Variants in MASP1 observed in about 807,000 individuals in gnomAD.
MASP1 encodes MBL associated serine protease 1, also known as mannan-binding lectin serine protease 1.
In MASP1, 59 loss-of-function variants were observed where a neutral mutation model predicts 77.1. That is an observed-to-expected ratio of 0.77 (90% CI 0.62 to 0.95). MASP1 has a LOEUF of 0.95. MASP1 is among the 40% of genes least tolerant of loss of function. MASP1 has a pLI of 0.00. For synonymous variants in MASP1, 362 were observed against 354.5 expected, an observed-to-expected ratio of 1.02 and a Z score of -0.24; for missense variants, 885 against 912.9, an observed-to-expected ratio of 0.97 and a Z score of 0.39.
At chr3:187,229,313 G>A (rs906006674), downstream of MASP1, among the ~76,000 whole-genome samples, 1 of 152,154 alleles carries the variant, frequency 6.6e-6, no homozygotes, top group Non-Finnish European at 1.5e-5. Flanking sequence ...TGCAATGGAT[G>A]TCTCACTGAT....
In MASP1 at chr3:187,220,313, GT is replaced by G. The variant is rs757653631; in HGVS notation, c.1910-53del. On this transcript the variant is annotated intron_variant, in intron 15 of 15. Coordinates refer to the MASP1 transcript ENST00000337774. ...GATAAAATGCCCCTTCCCAGCCCAAGTCTCCTTCTCCCATGTATGGGTTGTA... is the reference window on the plus strand; with the variant it reads ...GATAAAATGCCCCTTCCCAGCCCAAGCTCCTTCTCCCATGTATGGGTTGTA... 3.8e-5 allele frequency: 59 copies of G among 1,536,394 alleles called. 1 individual carries two copies. In the South Asian group the frequency reaches 6.7e-4, roughly 17 times the overall value.
At position 187,253,250 on chromosome 3, in the gene MASP1, G is replaced by A; in HGVS notation, c.810C>T (p.Thr270=). The A allele has an allele frequency of 6.2e-7, 1 of 1,614,110 alleles. No homozygotes were observed. The highest frequency in any genetic ancestry group is 8.5e-7 in the Non-Finnish European group (1 of 1,180,006). The change falls in exon 6 of 11, where the codon ACC becomes ACT. Residue 270 remains threonine (T), a synonymous_variant. Transcript: ENST00000296280. ...ACAGGATCAGGACACTGTGGCTCTG[G>A]GTGCTGATGGGTTCTGGGGCTTTCT... ...CGEKAPEPIS[T]QSHSVLILFH...
In MASP1 at chr3:187,241,500, G is replaced by T; in HGVS notation, c.1284C>A (p.Ser428Arg). 1 of 1,613,712 alleles carries T rather than the reference G, an allele frequency of 6.2e-7. No homozygotes were observed. Among genetic ancestry groups the T allele is most frequent in the Non-Finnish European group, 8.5e-7 (1 of 1,179,684 alleles). The stretch of plus-strand genomic sequence containing the variant: ...AGGTACCTGGAAGGCAGGTGGGTAG[G>T]CTTCTCCCCAATACTTTATTCATCC... ...GVWMNKVLGR[S>R]LPTCLPECGQ... Residue 428 changes from serine to arginine, a missense_variant, in exon 10 of 11, where the codon AGC becomes AGA. Ser to Arg is a moderately radical substitution (Grantham distance 110). Coordinates refer to ENST00000296280, the MANE Select transcript of MASP1 (RefSeq NM_139125.4).
intron 4 of MASP1, among the ~76,000 whole-genome samples, chr3:187,259,615 C>T (rs1182839379): frequency 4.6e-5 from 7 of 152,070 alleles, no homozygotes; most frequent in Non-Finnish European, 1.0e-4. Flanking sequence ...CTGTACTGAA[C>T]ACATAGTAGA....
exon 16 of MASP1, chr3:187,219,611 G>A: frequency 4.4e-6 from 1 of 225,296 alleles, no homozygotes. Flanking sequence ...TCAATGCTAA[G>A]ACCCAGGCAG....
In MASP1 at chr3:187,285,924, C is replaced by T. The variant is rs775139855; in HGVS notation, c.138G>A (p.Val46=). The T allele has an allele frequency of 2.5e-6, 4 of 1,614,114 alleles. No individual in the cohort carries two copies. The highest frequency in any genetic ancestry group is 1.6e-4 in the Middle Eastern group (1 of 6,062). The change falls in exon 2 of 11, where the codon GTG becomes GTA. Residue 46 remains valine, a synonymous_variant. Transcript: ENST00000296280. ...YPDSYPSDSE[V]TWNITVPDGF... is the part of the protein sequence containing the mutation. Reference sequence around the variant, plus strand: ...CATCTGGGACAGTGATATTCCAAGTCACCTCTGAATCACTGGGATAGGAGT... The same window carrying T: ...CATCTGGGACAGTGATATTCCAAGTTACCTCTGAATCACTGGGATAGGAGT...
In MASP1 at chr3:187,259,428, A is replaced by G. The variant is rs371856470; in HGVS notation, c.547+1313T>C. ...TGGTGGGGAAGGTCTTGCTTTTTAA[A>G]TGCACAATACACAGATGGACATACA... On this transcript the variant is annotated intron_variant, in intron 4 of 10. Coordinates refer to ENST00000296280, the MANE Select transcript of MASP1 (RefSeq NM_139125.4). 1.4e-3 allele frequency among the ~76,000 whole-genome samples: 212 copies of G among 152,306 alleles called. 8 individuals are homozygous for G. The South Asian group carries it at 0.043, about 31-fold the overall frequency.
chr3:187,247,102 A>G (rs540591046), intron 8 of MASP1: 1 of 1,409,430 alleles, frequency 7.1e-7, no homozygotes, highest in African/African-American at 1.5e-5. Context: ...TTTTTTTTTC[A>G]TTATTTTCTG....
At chr3:187,263,145 G>A in intron 2 of MASP1, 1 of 243,054 alleles carries the variant, frequency 4.1e-6, no homozygotes, top group Non-Finnish European at 8.1e-6. Flanking sequence ...GCCGAGCAAA[G>A]CATGAGATGG....
chr3:187,229,931 G>C (rs1278421980), downstream of MASP1: 1 of 1,613,032 alleles, frequency 6.2e-7, no homozygotes, highest in South Asian at 1.1e-5. Flanking sequence ...AGACAGATCA[G>C]ACTCTGGGCT....
intron 2 of MASP1, among the ~76,000 whole-genome samples, chr3:187,267,485 A>C (rs780460511): frequency 7.9e-5 from 12 of 152,232 alleles, no homozygotes; most frequent in Non-Finnish European, 1.5e-4. Flanking sequence ...GAATTTGTGC[A>C]AGTTTGAAAG....
rs759189941 is a variant in MASP1 at position 187,236,198 on chromosome 3, T to C, written c.1673A>G (p.Gln558Arg). The change falls in exon 11 of 11, where the codon CAG (glutamine) becomes CGG (arginine). Residue 558 changes from glutamine (Q) to arginine (R), a missense_variant. By Grantham distance (43) the Gln-to-Arg change is conservative. Transcript: ENST00000296280. Reference protein sequence around the residue: ...QNYNHDIALVQLQEPVPLGPH... With the variant: ...QNYNHDIALVRLQEPVPLGPH... ...TCCCAGGGGCACAGGCTCCTGCAGC[T>C]GCACCAGAGCTATATCGTGGTTGTA... 37 of 1,614,192 alleles carry C rather than the reference T, an allele frequency of 2.3e-5. No individual in the cohort carries two copies. Among genetic ancestry groups the C allele is most frequent in the Non-Finnish European group, 3.1e-5 (36 of 1,180,046 alleles).
Position 187,256,673 on chromosome 3 carries a change from G to T in MASP1, c.735C>A (p.Asp245Glu). ...EDHPEVPCPY[D>E]YIKIKVGPKV... ...TTCATTGCAGGCTCACCTTGATGTAGTCATAGGGGCAGGGCACCTCAGGAT... is the reference window on the plus strand; with the variant it reads ...TTCATTGCAGGCTCACCTTGATGTATTCATAGGGGCAGGGCACCTCAGGAT... Residue 245 changes from aspartate to glutamate, a missense_variant, in exon 5 of 11, where the codon GAC becomes GAA. Physicochemically the swap from Asp to Glu is conservative, Grantham distance 45 (BLOSUM62 2). Transcript: ENST00000296280. The T allele has an allele frequency of 6.2e-7, 1 of 1,613,930 alleles. No homozygotes were observed. The highest frequency in any genetic ancestry group is 8.5e-7 in the Non-Finnish European group (1 of 1,179,998).
At chr3:187,245,657 C>T (rs1442964863) in intron 8 of MASP1, among the ~76,000 whole-genome samples, 2 of 152,184 alleles carry the variant, frequency 1.3e-5, no homozygotes, top group Non-Finnish European at 2.9e-5. Flanking sequence ...TTGAGCAGCT[C>T]TGTCTGGCAC....
chr3:187,228,003 T>C (rs1712535337), intron 11 of MASP1, among the ~76,000 whole-genome samples: 1 of 152,168 alleles, frequency 6.6e-6, no homozygotes, highest in Non-Finnish European at 1.5e-5. Context: ...ACAGAAATGA[T>C]AGATCAGGGT....
intron 2 of MASP1, among the ~76,000 whole-genome samples, chr3:187,278,072 A>G (rs3864098): frequency 0.21 from 31,358 of 152,114 alleles, 3,672 homozygotes; most frequent in African/African-American, 0.33. Context: ...CTAATTAGAG[A>G]TGTGTTGGAC....
In MASP1 at chr3:187,225,431, T is replaced by C. The variant is rs145134966; in HGVS notation, c.1634A>G (p.Asp545Gly). 24 of 1,614,052 alleles carry C rather than the reference T, an allele frequency of 1.5e-5. No homozygotes were observed. In the African/African-American group the frequency reaches 2.8e-4, roughly 19 times the overall value. Residue 545 changes from aspartate (D) to glycine (G), a missense_variant, in exon 13 of 16, where the codon GAT becomes GGT. Physicochemically the swap from Asp to Gly is moderately conservative, Grantham distance 94. Transcript: ENST00000337774. ...CACGTCATTCTCGAATGTGTTGGGA[T>C]CATACTGGGGGTGGAGAGTGGTGTG...
At chr3:187,246,648 G>A in intron 8 of MASP1, 2 of 988,038 alleles carry the variant, frequency 2.0e-6, no homozygotes, top group Non-Finnish European at 2.4e-6. Context: ...GCACAGAGCT[G>A]GGACCACTGC....
chr3:187,261,314 A>T (rs1197840694), intron 3 of MASP1, among the ~76,000 whole-genome samples: 1 of 152,244 alleles, frequency 6.6e-6, no homozygotes, highest in Non-Finnish European at 1.5e-5. Flanking sequence ...GGATTTAAAT[A>T]CAGACAAGCT....
Sources: gnomAD v4.1 joint callset for allele counts (sites outside exome capture counted in the v4.1 genomes callset) on GRCh38, gnomAD v4.1.1 for gene constraint, MANE v1.5 for transcripts, NCBI Gene and HGNC (gene_info 2026-07-23, HGNC 2026-07-21) for gene names.